Variants in TMEM43 observed in about 807,000 individuals in gnomAD.
TMEM43 encodes arrhythmogenic right ventricular dysplasia 5.
TMEM43 carries 45 observed loss-of-function variants against 49.6 expected under a neutral mutation model. The observed-to-expected ratio is 0.91, with a 90% CI of 0.71 to 1.16. TMEM43 has a LOEUF of 1.16. TMEM43 is among the 50% of genes most tolerant of loss of function. The pLI, the probability that TMEM43 is intolerant of heterozygous loss-of-function variation, is 0.00. For missense variants in TMEM43, 532 were observed against 516.6 expected, an observed-to-expected ratio of 1.03 and a Z score of -0.29; for synonymous variants, 199 against 207.8, an observed-to-expected ratio of 0.96 and a Z score of 0.36.
chr3:14,134,858 T>C lies in TMEM43; in HGVS notation c.672T>C (p.Phe224=), dbSNP rs1336481970. The change falls in exon 8 of 12, where the codon TTT becomes TTC. Residue 224 remains phenylalanine, a synonymous_variant. Transcript: ENST00000306077. ...TGGACATCATTCGCCGTGGAGACTT[T>C]TTCTACCACAGCGAAAATCCCAAGT... ...PHVDIIRRGD[F]FYHSENPKYP... 1.2e-6 allele frequency: 2 copies of C among 1,614,172 alleles called. No individual in the cohort carries two copies. Among genetic ancestry groups the C allele is most frequent in the South Asian group, 2.2e-5 (2 of 91,088 alleles).
chr3:14,129,044 T>G (rs756485188), intron 1 of TMEM43: 1 of 441,692 alleles, frequency 2.3e-6, no homozygotes, highest in South Asian at 1.6e-5. Context: ...GGTGCCCTGA[T>G]TCCATTTTTC....
intron 2 of TMEM43, 73 bp downstream of exon 2, chr3:14,129,634 G>A (rs1488248435): frequency 2.6e-5 from 40 of 1,565,098 alleles, no homozygotes; most frequent in Non-Finnish European, 3.5e-5. Context: ...GATGAACCCG[G>A]AGGCTGGATT....
chr3:14,132,833 C>T, intron 5 of TMEM43, 33 bp from the exon 6 acceptor site: 1 of 1,608,868 alleles, frequency 6.2e-7, no homozygotes, highest in Admixed American at 1.7e-5. Context: ...CCACTCCTAC[C>T]CGGGCTCTGA....
chr3:14,128,969 C>T (rs766390906), intron 1 of TMEM43: 1 of 456,524 alleles, frequency 2.2e-6, no homozygotes, highest in East Asian at 7.0e-5. Context: ...TCCTGATAAA[C>T]ACCACAACAT....
At chr3:14,131,419 G>A (rs75332262) in intron 3 of TMEM43, among the ~76,000 whole-genome samples, 161 bp from the exon 4 acceptor site, 59 of 152,360 alleles carry the variant, frequency 3.9e-4, no homozygotes, top group African/African-American at 1.4e-3. Context: ...CCTGGGACAG[G>A]GAGTGTCCTC....
intron 8 of TMEM43, 56 bp from the exon 9 acceptor site, chr3:14,135,102 T>C: frequency 3.2e-6 from 5 of 1,556,876 alleles, no homozygotes; most frequent in Non-Finnish European, 3.5e-6. Context: ...ATCCTGGACC[T>C]GGGCCTGGGC....
At chr3:14,128,118 G>C (rs187944875) in intron 1 of TMEM43, among the ~76,000 whole-genome samples, 1 of 152,214 alleles carries the variant, frequency 6.6e-6, no homozygotes, top group Non-Finnish European at 1.5e-5. Context: ...GCACAAAGTG[G>C]TGAAGTTGCT....
chr3:14,132,212 C>T (rs1695105384), intron 4 of TMEM43, among the ~76,000 whole-genome samples: 1 of 152,182 alleles, frequency 6.6e-6, no homozygotes, highest in South Asian at 2.1e-4. Context: ...AGGGCAGCTT[C>T]AAGAGGCCCC....
intron 1 of TMEM43, among the ~76,000 whole-genome samples, chr3:14,125,448 G>T (rs1174003463): frequency 6.6e-6 from 1 of 152,194 alleles, no homozygotes; most frequent in East Asian, 1.9e-4. Context: ...GTGCGGAGGC[G>T]GACTCGGAGG....
At chr3:14,129,682 G>C in intron 2 of TMEM43, 121 bp downstream of exon 2, 1 of 1,088,188 alleles carries the variant, frequency 9.2e-7, no homozygotes, top group Admixed American at 2.0e-5. Flanking sequence ...AGAGAAAGGA[G>C]GATACTGAGT....
intron 1 of TMEM43, among the ~76,000 whole-genome samples, chr3:14,126,715 C>T (rs772344930): frequency 6.6e-6 from 1 of 152,184 alleles, no homozygotes; most frequent in African/African-American, 2.4e-5. Context: ...TGAGACCTGA[C>T]CCCTCACCAA....
chr3:14,139,354 G>C (rs1695219753), intron 11 of TMEM43, 57 bp downstream of exon 11: 1 of 1,229,794 alleles, frequency 8.1e-7, no homozygotes, highest in African/African-American at 1.5e-5. Context: ...GGCCTCCTCT[G>C]CCTGTCGCAT....
In TMEM43 at chr3:14,141,602, T is replaced by A. The variant is rs539374471; in HGVS notation, c.1010T>A (p.Phe337Tyr). ...TTTCTCCTTTCCACAGTGGACTGGT[T>A]TCCTGTTTTCCGAGACCTGGTCAAC... ...TRILYTLVDWFPVFRDLVNIG... is the reference protein window; with the variant it reads ...TRILYTLVDWYPVFRDLVNIG... Residue 337 changes from phenylalanine to tyrosine, a missense_variant, in exon 12 of 12, where the codon TTT (phenylalanine) becomes TAT (tyrosine). Physicochemically the swap from Phe to Tyr is conservative, Grantham distance 22. Transcript: ENST00000306077. 1 of 1,614,056 alleles carries A rather than the reference T, an allele frequency of 6.2e-7. No individual in the cohort carries two copies. Among genetic ancestry groups the A allele is most frequent in the South Asian group, 1.1e-5 (1 of 91,080 alleles).
rs1331275453 is a variant in TMEM43 at position 14,142,814 on chromosome 3, A to G, written c.*1019A>G. Reference sequence around the variant, plus strand: ...CTTGCTTTCATCCTCTGGCATCGGAAACTCCCCTATGCACTTGAAGATGGT... The same window carrying G: ...CTTGCTTTCATCCTCTGGCATCGGAGACTCCCCTATGCACTTGAAGATGGT... On this transcript the variant is annotated 3_prime_UTR_variant, in exon 12 of 12. Coordinates refer to ENST00000306077, the MANE Select transcript of TMEM43 (RefSeq NM_024334.3). 1 of 152,598 alleles carries G rather than the reference A, an allele frequency of 6.6e-6. No homozygotes were observed. Among genetic ancestry groups the G allele is most frequent in the African/African-American group, 2.4e-5 (1 of 41,444 alleles). 9.5% of individuals were successfully genotyped at this position (152,598 alleles called of 1,614,324 possible).
At chr3:14,140,357 C>G (rs1695231132) in intron 11 of TMEM43, among the ~76,000 whole-genome samples, 2 of 152,112 alleles carry the variant, frequency 1.3e-5, no homozygotes, top group Admixed American at 1.3e-4. Flanking sequence ...CTTTGGATCT[C>G]TGATGTCTGT....
chr3:14,139,655 A>G (rs970522182), intron 11 of TMEM43, among the ~76,000 whole-genome samples: 8 of 152,206 alleles, frequency 5.3e-5, no homozygotes, highest in African/African-American at 1.7e-4. Flanking sequence ...TGTCACGTCC[A>G]AGCTCTGGAT....
intron 10 of TMEM43, among the ~76,000 whole-genome samples, chr3:14,138,282 G>C (rs1695197711): frequency 6.6e-6 from 1 of 152,210 alleles, no homozygotes; most frequent in African/African-American, 2.4e-5. Context: ...AGCCAGCAGG[G>C]TCAGGGCACT....
At chr3:14,131,454 G>T in intron 3 of TMEM43, 126 bp from the exon 4 acceptor site, 1 of 789,088 alleles carries the variant, frequency 1.3e-6, no homozygotes. Flanking sequence ...AAGCAGTGTA[G>T]GGCTCTCCAC....
chr3:14,125,483 T>TTG lies in TMEM43; in HGVS notation c.12+280_12+281dup, dbSNP rs142202629. Among the ~76,000 whole-genome samples the TTG allele has an allele frequency of 0.025, 3,758 of 152,324 alleles. 158 individuals are homozygous for TTG. The highest frequency in any genetic ancestry group is 0.085 in the African/African-American group (3,542 of 41,562). ...GTGTTGCTCCCGTACTGGGATCTGC[T>TTG]TGTACGCCTCTCCGCGGCCCCTCCT... is the stretch of plus-strand genomic sequence containing the variant. On this transcript the variant is annotated intron_variant, in intron 1 of 11. Coordinates refer to ENST00000306077, the MANE Select transcript of TMEM43 (RefSeq NM_024334.3).
Sources: gnomAD v4.1 joint callset for allele counts (sites outside exome capture counted in the v4.1 genomes callset) on GRCh38, gnomAD v4.1.1 for gene constraint, MANE v1.5 for transcripts, NCBI Gene and HGNC (gene_info 2026-07-23, HGNC 2026-07-21) for gene names.